The following RSU1 variants were observed in gnomAD, a reference collection of about 807,000 sequenced individuals.
RSU1 encodes the protein Ras suppressor protein 1.
RSU1 carries 26 observed loss-of-function variants against 31.1 expected under a neutral mutation model. The observed-to-expected ratio is 0.84, with a 90% CI of 0.61 to 1.16. The LOEUF is 1.16. RSU1 is among the 50% of genes most tolerant of loss of function. RSU1 has a pLI of 0.00. For missense variants in RSU1, 320 were observed against 339.1 expected (o/e 0.94, Z 0.44); for synonymous variants, 164 against 136.3 (o/e 1.20, Z -1.41).
rs1156241704 is a variant in RSU1 at position 16,646,071 on chromosome 10, C to T, written c.731+48952G>A. On this transcript the variant is annotated intron_variant, in intron 8 of 8. Transcript: ENST00000345264. ...ATGTGTATATATATATACACACACACACACACACACACACACACATACATA... is the reference window on the plus strand; with the variant it reads ...ATGTGTATATATATATACACACACATACACACACACACACACACATACATA... Among the ~76,000 whole-genome samples, 11 of 137,350 alleles carry T rather than the reference C, an allele frequency of 8.0e-5. 2 individuals carry two copies. Among genetic ancestry groups the T allele is most frequent in the Non-Finnish European group, 1.7e-4 (11 of 65,846 alleles). The allele number at this position is 137,350 out of a possible 152,430, so 90.1% of individuals were successfully genotyped here.
intron 7 of RSU1, among the ~76,000 whole-genome samples, chr10:16,738,419 C>G (rs1836681699): frequency 6.6e-6 from 1 of 152,090 alleles, no homozygotes. Context: ...CCACTGGACT[C>G]TGGCCTGTGT....
At chr10:16,778,823 T>C (rs904072405) in intron 3 of RSU1, among the ~76,000 whole-genome samples, 1 of 152,058 alleles carries the variant, frequency 6.6e-6, no homozygotes, top group African/African-American at 2.4e-5. Flanking sequence ...GTGGGGCAGA[T>C]TAGGGCAGTT....
At chr10:16,702,285 GACAC>G (rs762631190) in intron 7 of RSU1, among the ~76,000 whole-genome samples, 2 of 152,254 alleles carry the variant, frequency 1.3e-5, no homozygotes, top group African/African-American at 4.8e-5. Flanking sequence ...TTGGAGCCCA[GACAC>G]ACAGTCTCCA....
intron 5 of RSU1, among the ~76,000 whole-genome samples, chr10:16,754,477 T>A (rs1837041751): frequency 6.6e-6 from 1 of 152,016 alleles, no homozygotes; most frequent in Non-Finnish European, 1.5e-5. Flanking sequence ...TAAATATTTT[T>A]AATAAATAAT....
chr10:16,665,816 A>C (rs1164678892), intron 8 of RSU1, among the ~76,000 whole-genome samples: 38 of 152,210 alleles, frequency 2.5e-4, no homozygotes, highest in Admixed American at 2.5e-3. Flanking sequence ...ACAAATTTCT[A>C]TTACAGTGCT....
intron 2 of RSU1, among the ~76,000 whole-genome samples, chr10:16,785,406 C>CTATATATATATACATATATACA (rs1837755711): frequency 1.2e-5 from 1 of 85,328 alleles, no homozygotes; most frequent in Non-Finnish European, 2.0e-5. Flanking sequence ...CTCTATCTTT[C>CTATATATATATACATATATACA]TATATATATA....
chr10:16,771,093 G>A (rs1045691171), intron 3 of RSU1, among the ~76,000 whole-genome samples: 6 of 152,070 alleles, frequency 3.9e-5, no homozygotes, highest in Admixed American at 2.0e-4. Flanking sequence ...GATGGCAGAG[G>A]ATATTAAAAT....
At chr10:16,740,779 T>G (rs1836734323) in intron 7 of RSU1, among the ~76,000 whole-genome samples, 1 of 152,070 alleles carries the variant, frequency 6.6e-6, no homozygotes, top group South Asian at 2.1e-4. Flanking sequence ...AACTCTGAAA[T>G]CTACAAAACA....
chr10:16,682,620 G>A (rs1227376513), intron 8 of RSU1, among the ~76,000 whole-genome samples: 1 of 146,666 alleles, frequency 6.8e-6, no homozygotes, highest in East Asian at 2.0e-4. Context: ...TCTTACTTTC[G>A]GGAACACCTA....
chr10:16,708,020 G>A (rs1045905947), intron 7 of RSU1, among the ~76,000 whole-genome samples: 2 of 152,000 alleles, frequency 1.3e-5, no homozygotes, highest in Non-Finnish European at 2.9e-5. Flanking sequence ...AAAATTAGTT[G>A]GCTATAGGTA....
At chr10:16,759,465 C>T (rs1461643144) in intron 4 of RSU1, among the ~76,000 whole-genome samples, 4 of 152,182 alleles carry the variant, frequency 2.6e-5, no homozygotes, top group African/African-American at 4.8e-5. Flanking sequence ...GGAGAGCATG[C>T]CACTGCACTC....
At chr10:16,641,536 T>C (rs533716630) in intron 8 of RSU1, among the ~76,000 whole-genome samples, 139 of 151,522 alleles carry the variant, frequency 9.2e-4, no homozygotes, top group African/African-American at 3.2e-3. Context: ...ACACCCACAC[T>C]CACATCTGCA....
intron 2 of RSU1, among the ~76,000 whole-genome samples, chr10:16,807,941 T>C (rs568993306): frequency 5.4e-5 from 8 of 148,142 alleles, no homozygotes; most frequent in Non-Finnish European, 1.2e-4. Flanking sequence ...GAGAATGGCG[T>C]GAACCTGGGA....
intron 8 of RSU1, among the ~76,000 whole-genome samples, chr10:16,614,167 G>A (rs1833937943): frequency 6.6e-6 from 1 of 152,212 alleles, no homozygotes; most frequent in South Asian, 2.1e-4. Context: ...ATGCTTAGCA[G>A]TTAATTCACC....
chr10:16,763,463 G>C (rs1169387691), intron 4 of RSU1, among the ~76,000 whole-genome samples: 1 of 152,152 alleles, frequency 6.6e-6, no homozygotes, highest in Non-Finnish European at 1.5e-5. Context: ...AGGTCTCACA[G>C]TAACTCACTC....
intron 2 of RSU1, among the ~76,000 whole-genome samples, chr10:16,786,145 T>TCAC (rs1299966173): frequency 1.3e-5 from 2 of 152,166 alleles, no homozygotes; most frequent in Non-Finnish European, 2.9e-5. Flanking sequence ...ACATCCTACA[T>TCAC]CACGCAAGGC....
chr10:16,758,709 G>A (rs186427981), intron 4 of RSU1, among the ~76,000 whole-genome samples: 52 of 152,314 alleles, frequency 3.4e-4, no homozygotes, highest in Non-Finnish European at 3.5e-4. Flanking sequence ...CAGGGAATGA[G>A]AGCTGTTGCT....
chr10:16,610,564 T>TTATGAGAATCTAATGCCTGA (rs1307133194), intron 8 of RSU1, among the ~76,000 whole-genome samples: 2 of 152,170 alleles, frequency 1.3e-5, no homozygotes, highest in Non-Finnish European at 2.9e-5. Flanking sequence ...TGCACGCTCC[T>TTATGAGAATCTAATGCCTGA]TATGAGAATC....
At chr10:16,613,128 A>G (rs1195890506) in intron 8 of RSU1, among the ~76,000 whole-genome samples, 1 of 152,192 alleles carries the variant, frequency 6.6e-6, no homozygotes, top group Admixed American at 6.5e-5. Context: ...CTCTGCTTAC[A>G]TTACAGTTAT....
Sources: gnomAD v4.1 joint callset for allele counts (sites outside exome capture counted in the v4.1 genomes callset) on GRCh38, gnomAD v4.1.1 for gene constraint, MANE v1.5 for transcripts, NCBI Gene and HGNC (gene_info 2026-07-23, HGNC 2026-07-21) for gene names.